Variants in BIVM observed in about 807,000 individuals in gnomAD.
BIVM encodes basic immunoglobulin-like variable motif-containing protein.
A neutral mutation model predicts 61.4 loss-of-function variants in BIVM; 31 were observed. The observed-to-expected ratio is 0.51, with a 90% CI of 0.38 to 0.68. The LOEUF is 0.68. Ranked by LOEUF, BIVM falls within the 30% of genes least tolerant of loss-of-function variation. The probability of loss-of-function intolerance (pLI) is 0.00; values close to 1 mark genes in which losing one functional copy is unlikely to be tolerated. For synonymous variants in BIVM, 189 were observed against 210.7 expected (o/e 0.90, Z 0.89); for missense variants, 526 against 596.0 (o/e 0.88, Z 1.22).
intron 8 of BIVM, among the ~76,000 whole-genome samples, chr13:102,831,998 A>T (rs967882163): frequency 4.0e-5 from 6 of 150,342 alleles, no homozygotes; most frequent in Middle Eastern, 3.4e-3. Context: ...AAAAAAAATT[A>T]AAAAAATTAA....
chr13:102,804,024 G>A (rs1878907710), intron 1 of BIVM, among the ~76,000 whole-genome samples: 1 of 152,238 alleles, frequency 6.6e-6, no homozygotes, highest in African/African-American at 2.4e-5. Flanking sequence ...CCAAAAGAAA[G>A]TGAAAGTTTT....
chr13:102,812,274 C>T (rs1879550986), intron 3 of BIVM, among the ~76,000 whole-genome samples: 2 of 152,148 alleles, frequency 1.3e-5, no homozygotes, highest in African/African-American at 4.8e-5. Flanking sequence ...TTCATACATA[C>T]ATCTTTCGTT....
intron 7 of BIVM, among the ~76,000 whole-genome samples, chr13:102,826,775 A>T (rs376247103): frequency 2.0e-5 from 3 of 152,260 alleles, no homozygotes; most frequent in South Asian, 2.1e-4. Context: ...GGCTTTTTCT[A>T]TTAATATCAG....
chr13:102,810,680 A>G (rs181991610), intron 3 of BIVM, among the ~76,000 whole-genome samples: 2 of 152,380 alleles, frequency 1.3e-5, no homozygotes, highest in East Asian at 3.8e-4. Context: ...AATAATGTGG[A>G]AAACAAAATG....
intron 3 of BIVM, among the ~76,000 whole-genome samples, chr13:102,808,682 GAA>G (rs1346335873): frequency 6.6e-6 from 1 of 152,082 alleles, no homozygotes; most frequent in Non-Finnish European, 1.5e-5. Context: ...AATCTTCTAA[GAA>G]AAGTTGGGAA....
chr13:102,819,557 G>A (rs908658794), intron 4 of BIVM, among the ~76,000 whole-genome samples: 1 of 152,130 alleles, frequency 6.6e-6, no homozygotes, highest in Admixed American at 6.5e-5. Flanking sequence ...CGAACAATGT[G>A]AACACATGGA....
intron 9 of BIVM, among the ~76,000 whole-genome samples, chr13:102,835,349 G>A (rs1456362073): frequency 6.6e-6 from 1 of 152,106 alleles, no homozygotes; most frequent in East Asian, 1.9e-4. Context: ...GGAAAAAAGT[G>A]TACAATTCCA....
chr13:102,816,853 A>T (rs577635929), intron 4 of BIVM: 1 of 166,234 alleles, frequency 6.0e-6, no homozygotes, highest in East Asian at 1.5e-4. Flanking sequence ...TTAGCTTTTC[A>T]TTGCTGAAGA....
intron 2 of BIVM, among the ~76,000 whole-genome samples, chr13:102,806,419 T>C (rs1166076413): frequency 1.3e-5 from 2 of 152,000 alleles, no homozygotes; most frequent in African/African-American, 4.8e-5. Context: ...CTGGCTAATT[T>C]TTGTATTTTT....
At chr13:102,830,199 A>T (rs2140491093) in intron 7 of BIVM, among the ~76,000 whole-genome samples, 1 of 152,138 alleles carries the variant, frequency 6.6e-6, no homozygotes, top group Non-Finnish European at 1.5e-5. Context: ...ATTCCACCTT[A>T]TATAAAAGTT....
chr13:102,837,075 C>T (rs568324560), intron 9 of BIVM, among the ~76,000 whole-genome samples: 3 of 152,126 alleles, frequency 2.0e-5, no homozygotes, highest in African/African-American at 4.8e-5. Context: ...CTCAGGAGTT[C>T]GAGACCAGCC....
chr13:102,803,438 G>A (rs757439360), intron 1 of BIVM, among the ~76,000 whole-genome samples: 1 of 152,082 alleles, frequency 6.6e-6, no homozygotes, highest in Non-Finnish European at 1.5e-5. Context: ...AGGAGACAGA[G>A]GTTGCAGTGA....
chr13:102,813,977 G>T (rs1490107444), intron 3 of BIVM, among the ~76,000 whole-genome samples: 1 of 152,008 alleles, frequency 6.6e-6, no homozygotes, highest in Non-Finnish European at 1.5e-5. Flanking sequence ...TCTGTCCTTT[G>T]GTTCTTCCAG....
chr13:102,822,194 T>A (rs754220700), intron 7 of BIVM, 35 bp downstream of exon 7: 2 of 1,580,824 alleles, frequency 1.3e-6, no homozygotes, highest in Non-Finnish European at 1.7e-6. Context: ...CATACACACA[T>A]ACACACATGC....
In BIVM at chr13:102,807,907, G is replaced by A. The variant is rs974962993; in HGVS notation, c.478+162G>A. On this transcript the variant is annotated intron_variant, in intron 3 of 10. Transcript: ENST00000257336. This position sits in a 1 kb window ranked among gnomAD's most constrained non-coding sequence, Gnocchi z 4.0. ...GTAGTTTTAGGAAAGTAACCTTGACGTAGGGCATGTAGTTCATTGCGGGGC... is the reference window on the plus strand; with the variant it reads ...GTAGTTTTAGGAAAGTAACCTTGACATAGGGCATGTAGTTCATTGCGGGGC... Among the ~76,000 whole-genome samples the A allele has an allele frequency of 1.3e-5, 2 of 151,414 alleles. No homozygotes were observed. Among genetic ancestry groups the A allele is most frequent in the East Asian group, 3.9e-4 (2 of 5,182 alleles).
chr13:102,827,687 G>A (rs1952077332), intron 7 of BIVM, among the ~76,000 whole-genome samples: 1 of 151,996 alleles, frequency 6.6e-6, no homozygotes, highest in South Asian at 2.1e-4. Context: ...CATTTGCTAT[G>A]TGCTATGTTT....
chr13:102,813,818 T>C (rs1879666565), intron 3 of BIVM, among the ~76,000 whole-genome samples: 1 of 152,178 alleles, frequency 6.6e-6, no homozygotes, highest in Admixed American at 6.5e-5. Flanking sequence ...GCTGTGTTGC[T>C]TGAATTTGCT....
intron 7 of BIVM, among the ~76,000 whole-genome samples, chr13:102,828,501 A>C (rs1358836489): frequency 6.6e-6 from 1 of 152,086 alleles, no homozygotes; most frequent in African/African-American, 2.4e-5. Context: ...TTACTGAAGC[A>C]CCTCAGTACA....
intron 3 of BIVM, among the ~76,000 whole-genome samples, chr13:102,810,570 G>C (rs1238949825): frequency 6.6e-6 from 1 of 152,102 alleles, no homozygotes; most frequent in Non-Finnish European, 1.5e-5. Context: ...ATACTGCTTC[G>C]TCCACACTTA....
Sources: allele counts gnomAD v4.1 joint callset (sites outside exome capture counted in the v4.1 genomes callset), GRCh38; gene constraint gnomAD v4.1.1; non-coding constraint Gnocchi (gnomAD v3.1); transcripts MANE v1.5; gene names NCBI Gene and HGNC (gene_info 2026-07-23, HGNC 2026-07-21).